Variants in DLGAP2 observed in about 807,000 individuals in gnomAD.
DLGAP2 encodes the protein disks large-associated protein 2.
In DLGAP2, 26 loss-of-function variants were observed where a neutral mutation model predicts 100.3. That is an observed-to-expected ratio of 0.26 (90% confidence interval 0.19 to 0.36). The LOEUF (loss-of-function observed/expected upper bound fraction) is 0.36, where lower values mean the gene tolerates loss of function less well. Among genes scored for constraint, DLGAP2 ranks in the 10% least tolerant of loss-of-function variants. The pLI is 1.00. For synonymous variants in DLGAP2, 886 were observed against 630.1 expected, an observed-to-expected ratio of 1.41 and a Z score of -6.08; for missense variants, 1,858 against 1,453.2, an observed-to-expected ratio of 1.28 and a Z score of -4.53.
intron 2 of DLGAP2, among the ~76,000 whole-genome samples, chr8:1,079,262 G>A (rs1563180568): frequency 6.6e-6 from 1 of 152,016 alleles, no homozygotes; most frequent in Non-Finnish European, 1.5e-5. Context: ...TTATTGTTGG[G>A]TTTTAAGAGT....
chr8:893,701 A>G (rs147961799), intron 1 of DLGAP2, among the ~76,000 whole-genome samples: 11 of 152,318 alleles, frequency 7.2e-5, no homozygotes, highest in African/African-American at 2.6e-4. Flanking sequence ...CTGCAGGTCT[A>G]TCCAGGACTC....
At chr8:1,075,697 G>C (rs918914725) in intron 2 of DLGAP2, among the ~76,000 whole-genome samples, 1 of 152,266 alleles carries the variant, frequency 6.6e-6, no homozygotes, top group East Asian at 1.9e-4. Context: ...GGGCCCGTCA[G>C]TGAGAGCAAG....
intron 3 of DLGAP2, among the ~76,000 whole-genome samples, chr8:1,309,866 G>A (rs547295721): frequency 2.4e-4 from 36 of 152,268 alleles, no homozygotes; most frequent in African/African-American, 8.7e-4. Flanking sequence ...AGGCCAAGGC[G>A]GGCAGATTTC....
At chr8:1,356,603 G>A (rs578155828) in intron 3 of DLGAP2, among the ~76,000 whole-genome samples, 23 of 152,272 alleles carry the variant, frequency 1.5e-4, no homozygotes, top group African/African-American at 5.1e-4. Flanking sequence ...ACGGAGATGC[G>A]CAGGAATGGC....
chr8:1,585,156 G>A (rs1490086091), intron 6 of DLGAP2, among the ~76,000 whole-genome samples: 5 of 152,044 alleles, frequency 3.3e-5, no homozygotes, highest in African/African-American at 7.2e-5. Flanking sequence ...TAAGACTGGC[G>A]CCTGGTTTGT....
chr8:1,613,706 T>A (rs964306052), intron 6 of DLGAP2, among the ~76,000 whole-genome samples: 1 of 152,106 alleles, frequency 6.6e-6, no homozygotes, highest in African/African-American at 2.4e-5. Context: ...GGGAGAGTAG[T>A]TTAACAGCAG....
At chr8:1,552,103 C>G (rs1456545892) in intron 5 of DLGAP2, among the ~76,000 whole-genome samples, 7 of 152,152 alleles carry the variant, frequency 4.6e-5, no homozygotes, top group Admixed American at 4.6e-4. Context: ...TGTTCTGCAG[C>G]CAGCCACCCA....
At chr8:780,890 G>A (rs1174837284) in intron 1 of DLGAP2, among the ~76,000 whole-genome samples, 3 of 152,120 alleles carry the variant, frequency 2.0e-5, no homozygotes, top group Non-Finnish European at 2.9e-5. Context: ...CTGTACCAGA[G>A]TAGCAATTAT....
At chr8:1,203,283 C>T (rs1797919931) in intron 2 of DLGAP2, among the ~76,000 whole-genome samples, 1 of 149,264 alleles carries the variant, frequency 6.7e-6, no homozygotes, top group Non-Finnish European at 1.5e-5. Context: ...TGAGGCCGCC[C>T]ACCCCTCGGT....
At chr8:1,696,956 G>A (rs763439344) in intron 13 of DLGAP2, among the ~76,000 whole-genome samples, 191 bp from the exon 14 acceptor site, 1 of 152,238 alleles carries the variant, frequency 6.6e-6, no homozygotes, top group Non-Finnish European at 1.5e-5. Flanking sequence ...TTTTTAGGCC[G>A]ACAGCAAATA....
chr8:1,474,486 A>G lies in DLGAP2; in HGVS notation c.107-26880A>G, dbSNP rs958134150. 5.5e-4 allele frequency among the ~76,000 whole-genome samples: 84 copies of G among 152,314 alleles called. 1 individual carries two copies. The highest frequency in any genetic ancestry group is 1.9e-3 in the African/African-American group (79 of 41,570). ...TTCCATAGTGGTTGTACTGGTTTAC[A>G]TTCCCACCAGCAGTGCAGAAGTGTT... On this transcript the variant is annotated intron_variant, in intron 3 of 14. Transcript: ENST00000637795.
In DLGAP2 at chr8:839,586, G is replaced by T. The variant is rs553394460; in HGVS notation, c.19-68326G>T. Among the ~76,000 whole-genome samples the T allele has an allele frequency of 3.9e-5, 6 of 152,288 alleles. No homozygotes were observed. In the South Asian group the frequency reaches 1.2e-3, roughly 32 times the overall value. ...GGCCTGGTCTTAGGATGGATGGGAA[G>T]AGTCTGGCCAAAGGGTACAGAAGTT... is the stretch of plus-strand genomic sequence containing the variant. On this transcript the variant is annotated intron_variant, in intron 1 of 14. Transcript: ENST00000637795.
chr8:1,299,386 C>G (rs928274213), intron 3 of DLGAP2, among the ~76,000 whole-genome samples: 1 of 152,158 alleles, frequency 6.6e-6, no homozygotes, highest in Non-Finnish European at 1.5e-5. Flanking sequence ...ATTCTCATGG[C>G]CCTTCTTTCA....
At chr8:927,013 A>G in intron 2 of DLGAP2, 1 of 985,354 alleles carries the variant, frequency 1.0e-6, no homozygotes, top group South Asian at 4.7e-5. Context: ...CCCGCCGAGA[A>G]AGAGAAAGAG....
At chr8:1,533,385 A>C (rs1436204679) in intron 4 of DLGAP2, among the ~76,000 whole-genome samples, 3 of 151,928 alleles carry the variant, frequency 2.0e-5, no homozygotes, top group Non-Finnish European at 2.9e-5. Context: ...GGGCACCTGT[A>C]GTCCGAGCTA....
At chr8:1,041,244 C>T (rs1316618014) in intron 2 of DLGAP2, among the ~76,000 whole-genome samples, 1 of 152,206 alleles carries the variant, frequency 6.6e-6, no homozygotes, top group Admixed American at 6.5e-5. Context: ...TTTGTGATGG[C>T]GATCTTATGT....
At chr8:1,671,290 C>T (rs1268632089) in intron 10 of DLGAP2, among the ~76,000 whole-genome samples, 4 of 152,250 alleles carry the variant, frequency 2.6e-5, no homozygotes, top group Non-Finnish European at 5.9e-5. Context: ...AGGTGTCACG[C>T]TGTTCTGCAG....
chr8:1,536,134 A>C (rs148020256), intron 4 of DLGAP2, among the ~76,000 whole-genome samples: 104 of 152,306 alleles, frequency 6.8e-4, no homozygotes, highest in African/African-American at 2.5e-3. Context: ...GGGCACCCTG[A>C]GTATTCAGGA....
intron 1 of DLGAP2, among the ~76,000 whole-genome samples, chr8:843,725 C>T (rs536003297): frequency 3.7e-4 from 57 of 152,348 alleles, no homozygotes; most frequent in African/African-American, 1.3e-3. Flanking sequence ...GGATTGAAAG[C>T]TGTGTCGCTG....
Sources: gnomAD v4.1 joint callset for allele counts (sites outside exome capture counted in the v4.1 genomes callset) on GRCh38, gnomAD v4.1.1 for gene constraint, MANE v1.5 for transcripts, NCBI Gene and HGNC (gene_info 2026-07-23, HGNC 2026-07-21) for gene names.